Variants in RASGEF1A observed in about 807,000 individuals in gnomAD.
RASGEF1A encodes RasGEF domain family member 1A.
A neutral mutation model predicts 56.4 loss-of-function variants in RASGEF1A; 18 were observed. The observed-to-expected ratio is 0.32, with a 90% CI of 0.22 to 0.47. The LOEUF is 0.47. Among genes scored for constraint, RASGEF1A ranks in the 20% least tolerant of loss-of-function variants. The pLI, the probability that RASGEF1A is intolerant of heterozygous loss-of-function variation, is 1.00. For synonymous variants in RASGEF1A, 245 were observed against 242.6 expected (o/e 1.01, Z -0.09); for missense variants, 422 against 627.1 (o/e 0.67, Z 3.49).
chr10:43,229,854 C>T (rs1028627168), intron 1 of RASGEF1A: 2 of 716,122 alleles, frequency 2.8e-6, no homozygotes, highest in South Asian at 4.9e-5. Context: ...GCAGAGGGGC[C>T]GCGAGGCCGG....
chr10:43,263,720 C>G (rs938849018), intron 1 of RASGEF1A, among the ~76,000 whole-genome samples: 1 of 152,180 alleles, frequency 6.6e-6, no homozygotes, highest in Non-Finnish European at 1.5e-5. Context: ...GGCGGGCAAC[C>G]ACAGGTGGGG....
At chr10:43,207,780 C>T in intron 1 of RASGEF1A, 1 of 853,966 alleles carries the variant, frequency 1.2e-6, no homozygotes, top group Non-Finnish European at 1.4e-6. Flanking sequence ...TGGACTGCTT[C>T]TGTACCCCAA....
intron 1 of RASGEF1A, among the ~76,000 whole-genome samples, chr10:43,250,648 G>A (rs576584856): frequency 6.6e-6 from 1 of 152,102 alleles, no homozygotes; most frequent in African/African-American, 2.4e-5. Context: ...GGGAAGGGGG[G>A]GGTCAGGCAC....
At chr10:43,207,165 C>T (rs1840007719) in intron 1 of RASGEF1A, 1 of 985,364 alleles carries the variant, frequency 1.0e-6, no homozygotes, top group South Asian at 4.7e-5. Flanking sequence ...TGCCTGCACA[C>T]AGAGCCAGCC....
At chr10:43,201,322 T>G (rs986996704) in intron 4 of RASGEF1A, among the ~76,000 whole-genome samples, 17 of 152,120 alleles carry the variant, frequency 1.1e-4, no homozygotes, top group Non-Finnish European at 2.2e-4. Context: ...GTACTCGGGG[T>G]GAACAGGAGC....
At chr10:43,231,978 G>C (rs1275213933) in intron 1 of RASGEF1A, among the ~76,000 whole-genome samples, 1 of 152,232 alleles carries the variant, frequency 6.6e-6, no homozygotes, top group African/African-American at 2.4e-5. Flanking sequence ...CCTCCTTTAG[G>C]GGCAGGGCAC....
intron 9 of RASGEF1A, among the ~76,000 whole-genome samples, 181 bp downstream of exon 9, chr10:43,198,752 G>A (rs1257154793): frequency 1.3e-5 from 2 of 152,182 alleles, no homozygotes; most frequent in African/African-American, 2.4e-5. Context: ...TGAAGTAACC[G>A]AGGACAACTT....
At position 43,194,853 on chromosome 10, in the gene RASGEF1A, G is replaced by A. The variant is rs934318178; in HGVS notation, c.*1391C>T. ...AATATGTACTATCAATATACAATCT[G>A]TACTAGCTAGAACCTCAGAAAGTGC... On this transcript the variant is annotated 3_prime_UTR_variant, in exon 13 of 13. Transcript: ENST00000395810. The A allele has an allele frequency of 2.6e-5, 4 of 152,658 alleles. No homozygotes were observed. Among genetic ancestry groups the A allele is most frequent in the African/African-American group, 4.8e-5 (2 of 41,466 alleles). 9.5% of individuals were successfully genotyped at this position (152,658 alleles called of 1,614,324 possible).
chr10:43,247,956 T>C (rs1414613186), intron 1 of RASGEF1A, among the ~76,000 whole-genome samples: 1 of 151,504 alleles, frequency 6.6e-6, no homozygotes, highest in African/African-American at 2.4e-5. Flanking sequence ...CCCAGCACTT[T>C]GGGAGGCTGA....
chr10:43,220,268 G>A (rs1840190888), intron 1 of RASGEF1A, among the ~76,000 whole-genome samples: 1 of 152,236 alleles, frequency 6.6e-6, no homozygotes, highest in Admixed American at 6.5e-5. Context: ...AGGAAGCCGA[G>A]GTGGAGGATC....
At chr10:43,241,036 C>T (rs948567266) in intron 1 of RASGEF1A, among the ~76,000 whole-genome samples, 13 of 152,126 alleles carry the variant, frequency 8.5e-5, no homozygotes, top group East Asian at 3.8e-4. Flanking sequence ...ATAGAGAACT[C>T]GTCAGAAGAA....
intron 2 of RASGEF1A, 178 bp from the exon 3 acceptor site, chr10:43,203,598 C>G (rs1020001919): frequency 2.4e-6 from 3 of 1,248,070 alleles, no homozygotes; most frequent in Admixed American, 3.5e-5. Flanking sequence ...TACTGCTACC[C>G]CGGCCCTGCC....
At chr10:43,242,159 A>C (rs927029079) in intron 1 of RASGEF1A, among the ~76,000 whole-genome samples, 5 of 152,190 alleles carry the variant, frequency 3.3e-5, no homozygotes, top group African/African-American at 9.7e-5. Context: ...TAAATAAGAA[A>C]GTGAAAATAT....
At chr10:43,201,975 C>T (rs757246387) in intron 3 of RASGEF1A, 30 bp from the exon 4 acceptor site, 35 of 1,581,564 alleles carry the variant, frequency 2.2e-5, no homozygotes, top group Non-Finnish European at 2.9e-5. Context: ...AGAGTAAGGC[C>T]CCACAGGGCA....
chr10:43,198,787 C>T (rs929330509), intron 9 of RASGEF1A, 146 bp downstream of exon 9: 1 of 757,994 alleles, frequency 1.3e-6, no homozygotes, highest in Non-Finnish European at 2.3e-6. Flanking sequence ...GGAGGACGAA[C>T]ATGCCAGGCC....
chr10:43,231,652 T>C (rs567656237), intron 1 of RASGEF1A, among the ~76,000 whole-genome samples: 10 of 152,406 alleles, frequency 6.6e-5, no homozygotes, highest in Admixed American at 3.9e-4. Context: ...CCCCCATCTC[T>C]GGCTGACACA....
intron 1 of RASGEF1A, among the ~76,000 whole-genome samples, chr10:43,223,598 A>C (rs1465868972): frequency 6.6e-6 from 1 of 152,264 alleles, no homozygotes; most frequent in Admixed American, 6.5e-5. Context: ...AACTGGAAGA[A>C]GAAACTACTA....
At chr10:43,212,706 G>A (rs768024407) in intron 1 of RASGEF1A, among the ~76,000 whole-genome samples, 1 of 152,246 alleles carries the variant, frequency 6.6e-6, no homozygotes, top group South Asian at 2.1e-4. Context: ...GCTCAGCCTG[G>A]GTGAGGGACT....
At chr10:43,254,426 C>T (rs1311337457) in intron 1 of RASGEF1A, among the ~76,000 whole-genome samples, 1 of 152,226 alleles carries the variant, frequency 6.6e-6, no homozygotes, top group Middle Eastern at 3.2e-3. Flanking sequence ...CTTCAAGCTC[C>T]TTGGGCCTGG....
Sources: allele counts gnomAD v4.1 joint callset (sites outside exome capture counted in the v4.1 genomes callset), GRCh38; gene constraint gnomAD v4.1.1; transcripts MANE v1.5; gene names NCBI Gene and HGNC (gene_info 2026-07-23, HGNC 2026-07-21).